MITF: variants seen among roughly 807,000 people sequenced by gnomAD.
MITF encodes the protein microphthalmia-associated transcription factor.
MITF carries 17 observed loss-of-function variants against 60.5 expected under a neutral mutation model. The observed-to-expected ratio is 0.28, with a 90% CI of 0.19 to 0.42. The LOEUF (loss-of-function observed/expected upper bound fraction) is 0.42. Among genes scored for constraint, MITF ranks in the 10% least tolerant of loss-of-function variants. The pLI, the probability that MITF is intolerant of heterozygous loss-of-function variation, is 1.00. For synonymous variants in MITF, 260 were observed against 248.5 expected (o/e 1.05, Z -0.43); for missense variants, 622 against 683.5 (o/e 0.91, Z 1.00).
intron 1 of MITF, among the ~76,000 whole-genome samples, chr3:69,811,870 C>G (rs2063105943): frequency 1.3e-5 from 2 of 152,176 alleles, no homozygotes; most frequent in Admixed American, 6.5e-5. Context: ...CACAGGGCTG[C>G]AACTCGATGG....
At chr3:69,804,213 G>A (rs929875570) in intron 1 of MITF, among the ~76,000 whole-genome samples, 1 of 152,258 alleles carries the variant, frequency 6.6e-6, no homozygotes, top group Middle Eastern at 3.4e-3. Flanking sequence ...GACAATGTAA[G>A]ATTTTGTTTC....
At chr3:69,953,662 T>G (rs13070344) in intron 7 of MITF, among the ~76,000 whole-genome samples, 28,730 of 136,172 alleles carry the variant, frequency 0.21, 2,880 homozygotes, top group Admixed American at 0.24. Flanking sequence ...TATATATATA[T>G]AGAGAGAGAG....
At chr3:69,846,779 T>C (rs887707096) in intron 1 of MITF, among the ~76,000 whole-genome samples, 1 of 146,370 alleles carries the variant, frequency 6.8e-6, no homozygotes, top group Non-Finnish European at 1.5e-5. Flanking sequence ...AGTGTGCCAC[T>C]TCACTCCAGC....
chr3:69,953,876 C>A (rs1001450437), intron 7 of MITF, among the ~76,000 whole-genome samples: 1 of 151,878 alleles, frequency 6.6e-6, no homozygotes, highest in South Asian at 2.1e-4. Context: ...TGTATAATAT[C>A]CCATTGTGTA....
At chr3:69,926,916 T>A (rs1013593418) in intron 2 of MITF, among the ~76,000 whole-genome samples, 19 of 152,232 alleles carry the variant, frequency 1.2e-4, no homozygotes, top group Admixed American at 5.2e-4. Flanking sequence ...ATTTGTTGCT[T>A]GCAAAATTTT....
chr3:69,848,893 T>C (rs1222143479), intron 1 of MITF, among the ~76,000 whole-genome samples: 2 of 151,714 alleles, frequency 1.3e-5, no homozygotes, highest in Non-Finnish European at 2.9e-5. Flanking sequence ...ATGGTGTGAG[T>C]ATACAAAGGA....
intron 3 of MITF, chr3:69,938,584 A>G: frequency 7.2e-7 from 1 of 1,381,732 alleles, no homozygotes; most frequent in East Asian, 2.7e-5. Flanking sequence ...ATTGCTGGAT[A>G]CATTCTGTTT....
intron 1 of MITF, among the ~76,000 whole-genome samples, chr3:69,869,035 C>T (rs1384923735): frequency 1.3e-5 from 2 of 151,770 alleles, no homozygotes; most frequent in South Asian, 2.1e-4. Context: ...AAGGAACTGT[C>T]GTAGATCCCT....
rs1172651281 is a variant in MITF, at chr3:69,890,240, C to T, written c.354+10857C>T. On this transcript the variant is annotated intron_variant, in intron 2 of 9. Coordinates refer to ENST00000352241, the MANE Select transcript of MITF (RefSeq NM_001354604.2). ...AGCCTCTTATAGGAGAAAGCAGCAA[C>T]GAGTCACCCTTGGTAACATGGCATT... Among the ~76,000 whole-genome samples the T allele has an allele frequency of 4.6e-5, 7 of 152,120 alleles. No homozygotes were observed. The East Asian group carries it at 1.2e-3, about 25-fold the overall frequency.
chr3:69,964,165 C>T (rs866833484), intron 9 of MITF, among the ~76,000 whole-genome samples: 4 of 151,744 alleles, frequency 2.6e-5, no homozygotes, highest in Non-Finnish European at 4.4e-5. Flanking sequence ...TTAGTGGAGA[C>T]GGGGTTTCAA....
At chr3:69,911,109 G>A (rs766883235) in intron 2 of MITF, among the ~76,000 whole-genome samples, 1 of 152,110 alleles carries the variant, frequency 6.6e-6, no homozygotes, top group Non-Finnish European at 1.5e-5. Flanking sequence ...TCATGATAGT[G>A]AATAAATCTC....
intron 1 of MITF, among the ~76,000 whole-genome samples, chr3:69,769,070 C>T (rs1371201175): frequency 1.3e-5 from 2 of 152,116 alleles, no homozygotes; most frequent in South Asian, 2.1e-4. Flanking sequence ...TCTCTCTTCA[C>T]CTGTAAAATG....
At chr3:69,938,770 T>C in intron 3 of MITF, 1 of 1,329,960 alleles carries the variant, frequency 7.5e-7, no homozygotes, top group Non-Finnish European at 9.6e-7. Context: ...TTCATCTCAA[T>C]GGGATTTACC....
intron 3 of MITF, chr3:69,938,385 A>G (rs1473020497): frequency 6.4e-7 from 1 of 1,564,214 alleles, no homozygotes; most frequent in Non-Finnish European, 8.7e-7. Flanking sequence ...AGAGAGGAGA[A>G]GGGGAGGTGG....
rs557328681 is a variant in MITF, at chr3:69,841,741, G to T, written c.105-37393G>T. Among the ~76,000 whole-genome samples the T allele has an allele frequency of 2.0e-5, 3 of 152,266 alleles. No homozygotes were observed. In the South Asian group the frequency reaches 6.2e-4, roughly 32 times the overall value. On this transcript the variant is annotated intron_variant, in intron 1 of 9. Coordinates refer to ENST00000352241, the MANE Select transcript of MITF (RefSeq NM_001354604.2). Reference sequence around the variant, plus strand: ...CAGTACTTCTTTTCGTCTCTGAAAAGAAATCATATTTAATTTAGAAGTGGC... The same window carrying T: ...CAGTACTTCTTTTCGTCTCTGAAAATAAATCATATTTAATTTAGAAGTGGC...
chr3:69,784,627 G>A (rs2106888996), intron 1 of MITF, among the ~76,000 whole-genome samples: 1 of 152,098 alleles, frequency 6.6e-6, no homozygotes, highest in African/African-American at 2.4e-5. Flanking sequence ...CCCCATATTA[G>A]AGAAATTACT....
chr3:69,844,490 A>T (rs978245473), intron 1 of MITF, among the ~76,000 whole-genome samples: 2 of 152,234 alleles, frequency 1.3e-5, no homozygotes, highest in Admixed American at 1.3e-4. Context: ...TTAAAGACTT[A>T]AACATAAGAC....
chr3:69,953,643 G>GTGTGTATATATA (rs2066316652), intron 7 of MITF, among the ~76,000 whole-genome samples: 1 of 129,382 alleles, frequency 7.7e-6, no homozygotes, highest in East Asian at 2.3e-4. Context: ...ATATATATAT[G>GTGTGTATATATA]TATGTATATA....
intron 1 of MITF, among the ~76,000 whole-genome samples, chr3:69,785,981 A>T (rs182639477): frequency 9.2e-4 from 140 of 152,338 alleles, no homozygotes; most frequent in African/African-American, 3.3e-3. Flanking sequence ...ATAGGGCTTA[A>T]TGGGGGAAAA....
Sources: gnomAD v4.1 joint callset for allele counts (sites outside exome capture counted in the v4.1 genomes callset) on GRCh38, gnomAD v4.1.1 for gene constraint, MANE v1.5 for transcripts, NCBI Gene and HGNC (gene_info 2026-07-23, HGNC 2026-07-21) for gene names.